Variants in DOK5 observed in about 807,000 individuals in gnomAD.
DOK5 encodes the protein docking protein 5, also known as downstream of tyrosine kinase 5.
DOK5 carries 27 observed loss-of-function variants against 43.3 expected under a neutral mutation model. The observed-to-expected ratio is 0.62, with a 90% CI of 0.46 to 0.86. The LOEUF is 0.86. DOK5 is among the 40% of genes least tolerant of loss of function. DOK5 has a pLI of 0.00. For synonymous variants in DOK5, 146 were observed against 140.1 expected, an observed-to-expected ratio of 1.04 and a Z score of -0.30; for missense variants, 373 against 392.9, an observed-to-expected ratio of 0.95 and a Z score of 0.43.
chr20:54,558,502 A>G (rs1984789382), intron 2 of DOK5, among the ~76,000 whole-genome samples: 1 of 152,190 alleles, frequency 6.6e-6, no homozygotes. Context: ...TACATTTAGT[A>G]TTAATCTCTC....
chr20:54,575,361 A>G (rs370338973), intron 2 of DOK5, among the ~76,000 whole-genome samples: 2 of 152,162 alleles, frequency 1.3e-5, no homozygotes, highest in Non-Finnish European at 2.9e-5. Flanking sequence ...TGGATATGGG[A>G]TGGAAGTTAA....
chr20:54,622,828 GAGAT>G (rs1883440647), intron 6 of DOK5, among the ~76,000 whole-genome samples: 2 of 152,168 alleles, frequency 1.3e-5, no homozygotes, highest in African/African-American at 4.8e-5. Flanking sequence ...AAAGAAGAGA[GAGAT>G]AGAAATAGTG....
chr20:54,518,533 A>G (rs1469443722), intron 1 of DOK5, among the ~76,000 whole-genome samples: 1 of 152,212 alleles, frequency 6.6e-6, no homozygotes, highest in East Asian at 1.9e-4. Flanking sequence ...ATTGTTGGAC[A>G]TTTGGGTTGG....
At chr20:54,507,543 A>T (rs902616067) in intron 1 of DOK5, among the ~76,000 whole-genome samples, 1 of 152,250 alleles carries the variant, frequency 6.6e-6, no homozygotes, top group African/African-American at 2.4e-5. Context: ...AATTCTTTTC[A>T]GCCTAGCCAC....
Position 54,590,680 on chromosome 20 carries a change from T to C in DOK5, c.410-936T>C, listed in dbSNP as rs911276277. 2.0e-5 allele frequency among the ~76,000 whole-genome samples: 3 copies of C among 152,196 alleles called. No homozygotes were observed. In the East Asian group the frequency reaches 5.8e-4, roughly 29 times the overall value. The stretch of plus-strand genomic sequence containing the variant: ...AGCATTACTATTTACTAAATTCAAC[T>C]AAAATCTATGAAAATTCAAATGACT... On this transcript the variant is annotated intron_variant, in intron 4 of 7. Coordinates refer to ENST00000262593, the MANE Select transcript of DOK5 (RefSeq NM_018431.5).
chr20:54,540,590 C>T (rs1008250000), intron 1 of DOK5, among the ~76,000 whole-genome samples: 1 of 152,118 alleles, frequency 6.6e-6, no homozygotes, highest in Non-Finnish European at 1.5e-5. Flanking sequence ...GCATGACTCA[C>T]TGCAGCCTCA....
intron 1 of DOK5, among the ~76,000 whole-genome samples, chr20:54,502,627 T>G (rs1600666270): frequency 6.6e-6 from 1 of 152,320 alleles, no homozygotes; most frequent in Admixed American, 6.5e-5. Context: ...TAGGTATATT[T>G]GTATATATGT....
rs1391684915 is a variant in DOK5, at chr20:54,625,274, G to A, written c.735+14751G>A. Among the ~76,000 whole-genome samples, 8 of 152,266 alleles carry A rather than the reference G, an allele frequency of 5.3e-5. No individual in the cohort carries two copies. The East Asian group carries it at 9.7e-4, about 18-fold the overall frequency. On this transcript the variant is annotated intron_variant, in intron 6 of 7. Transcript: ENST00000262593. ...GGGAAGACCACATGTTTGGCAGATCGTTAATTTCCACTTGAAAGAAGGCCC... is the reference window on the plus strand; with the variant it reads ...GGGAAGACCACATGTTTGGCAGATCATTAATTTCCACTTGAAAGAAGGCCC...
At chr20:54,600,977 G>A (rs1215325929) in intron 5 of DOK5, among the ~76,000 whole-genome samples, 1 of 152,178 alleles carries the variant, frequency 6.6e-6, no homozygotes, top group Non-Finnish European at 1.5e-5. Flanking sequence ...CTCATGTGAG[G>A]GACAAGAATG....
chr20:54,609,659 G>T (rs1431053080), intron 5 of DOK5, among the ~76,000 whole-genome samples: 1 of 151,956 alleles, frequency 6.6e-6, no homozygotes, highest in Non-Finnish European at 1.5e-5. Flanking sequence ...TTGCCTAATT[G>T]TGTGTACCAG....
At chr20:54,598,666 G>T (rs975364109) in intron 5 of DOK5, among the ~76,000 whole-genome samples, 7 of 152,154 alleles carry the variant, frequency 4.6e-5, no homozygotes, top group East Asian at 1.9e-4. Context: ...AATAATTACC[G>T]CACATGAGTG....
At chr20:54,563,051 G>C (rs1238993338) in intron 2 of DOK5, among the ~76,000 whole-genome samples, 1 of 152,168 alleles carries the variant, frequency 6.6e-6, no homozygotes, top group East Asian at 1.9e-4. Context: ...GTGAAGACAG[G>C]CAGACACTGG....
intron 2 of DOK5, among the ~76,000 whole-genome samples, chr20:54,558,768 G>A (rs541039755): frequency 4.5e-4 from 68 of 152,110 alleles, no homozygotes; most frequent in African/African-American, 1.6e-3. Flanking sequence ...CTTTATAAGA[G>A]CACAGTACTT....
intron 6 of DOK5, among the ~76,000 whole-genome samples, chr20:54,620,483 C>A (rs1986944537): frequency 6.6e-6 from 1 of 152,162 alleles, no homozygotes; most frequent in Non-Finnish European, 1.5e-5. Context: ...AAGTGATGTG[C>A]CAGCCTCTGC....
chr20:54,483,427 T>C (rs1245769796), intron 1 of DOK5, among the ~76,000 whole-genome samples: 1 of 152,240 alleles, frequency 6.6e-6, no homozygotes, highest in African/African-American at 2.4e-5. Context: ...ATAAGGCAGA[T>C]ACAATCACCA....
intron 7 of DOK5, among the ~76,000 whole-genome samples, chr20:54,643,908 G>A (rs1462188977): frequency 1.3e-5 from 2 of 152,200 alleles, no homozygotes; most frequent in Non-Finnish European, 2.9e-5. Flanking sequence ...CACAGGGTCT[G>A]GGCGAGGGGC....
intron 1 of DOK5, among the ~76,000 whole-genome samples, chr20:54,547,010 C>T (rs1023713264): frequency 6.6e-6 from 1 of 152,140 alleles, no homozygotes; most frequent in African/African-American, 2.4e-5. Context: ...ACTTCCATTT[C>T]TCCCTGGAGA....
chr20:54,563,827 T>G (rs187923045), intron 2 of DOK5, among the ~76,000 whole-genome samples: 1 of 152,214 alleles, frequency 6.6e-6, no homozygotes, highest in East Asian at 1.9e-4. Flanking sequence ...AATTTTAAAA[T>G]ATAAGAAAGT....
At chr20:54,533,336 A>G (rs79421808) in intron 1 of DOK5, among the ~76,000 whole-genome samples, 5,236 of 152,336 alleles carry the variant, frequency 0.034, 125 homozygotes, top group East Asian at 0.1. Flanking sequence ...TGCTGTAAGC[A>G]TAAAGGAATA....
Sources: allele counts gnomAD v4.1 joint callset (sites outside exome capture counted in the v4.1 genomes callset), GRCh38; gene constraint gnomAD v4.1.1; transcripts MANE v1.5; gene names NCBI Gene and HGNC (gene_info 2026-07-23, HGNC 2026-07-21).